Variants in DNER observed in about 807,000 individuals in gnomAD.
The protein encoded by DNER is delta and Notch-like epidermal growth factor-related receptor.
DNER carries 33 observed loss-of-function variants against 78.2 expected under a neutral mutation model. The ratio of observed to expected loss-of-function variants is 0.42; its 90% CI spans 0.32 to 0.56. The LOEUF is 0.56. Among genes scored for constraint, DNER ranks in the 20% least tolerant of loss-of-function variants. The probability of loss-of-function intolerance (pLI) is 0.11; values close to 1 mark genes in which losing one functional copy is unlikely to be tolerated. For missense variants in DNER, 918 were observed against 975.3 expected, an observed-to-expected ratio of 0.94 and a Z score of 0.78; for synonymous variants, 417 against 384.8, an observed-to-expected ratio of 1.08 and a Z score of -0.98.
At chr2:229,468,208 T>C (rs1023418252) in intron 7 of DNER, among the ~76,000 whole-genome samples, 2 of 152,250 alleles carry the variant, frequency 1.3e-5, no homozygotes. Flanking sequence ...AGTTCATGGT[T>C]TGACTCTGAA....
intron 1 of DNER, among the ~76,000 whole-genome samples, chr2:229,661,316 C>A (rs1699006961): frequency 6.6e-6 from 1 of 151,826 alleles, no homozygotes; most frequent in Admixed American, 6.6e-5. Flanking sequence ...CACACCTCCC[C>A]AAAAAAAACT....
chr2:229,491,723 G>C (rs1276412552), intron 6 of DNER, among the ~76,000 whole-genome samples: 2 of 151,800 alleles, frequency 1.3e-5, no homozygotes, highest in African/African-American at 4.8e-5. Context: ...ATCACTCCTT[G>C]ATGTCTGACA....
chr2:229,447,242 G>T lies in DNER; in HGVS notation c.1486+74C>A, dbSNP rs912132143. 16 of 1,430,896 alleles carry T rather than the reference G, an allele frequency of 1.1e-5. No individual in the cohort carries two copies. The African/African-American group carries it at 2.1e-4, about 19-fold the overall frequency. 88.6% of individuals were successfully genotyped at this position (1,430,896 alleles called of 1,614,324 possible). On this transcript the variant is annotated intron_variant, in intron 8 of 12. Transcript: ENST00000341772. ...TTTACAAGTATACCAAGATGCAAAA[G>T]AAAAAGTAATGGTCTTTTGAGATTG...
Position 229,591,810 on chromosome 2 carries a change from A to G in DNER, c.355T>C (p.Tyr119His). ...TAGCCTTCATTGCAAATGCAGAGGTAGCCATCGCTGCTGCTGCTGCTGCTG... is the reference window on the plus strand; with the variant it reads ...TAGCCTTCATTGCAAATGCAGAGGTGGCCATCGCTGCTGCTGCTGCTGCTG... ...SSSSSSSSDG[Y>H]LCICNEGYEG... The change falls in exon 2 of 13, where the codon TAC becomes CAC. Residue 119 changes from tyrosine to histidine, a missense_variant. Coordinates refer to ENST00000341772, the MANE Select transcript of DNER (RefSeq NM_139072.4). This position sits in a 1 kb window ranked among gnomAD's most constrained non-coding sequence, Gnocchi z 4.6. 6.2e-7 allele frequency: 1 copy of G among 1,613,662 alleles called. No homozygotes were observed. Among genetic ancestry groups the G allele is most frequent in the Non-Finnish European group, 8.5e-7 (1 of 1,179,764 alleles).
intron 1 of DNER, among the ~76,000 whole-genome samples, chr2:229,662,175 A>G (rs1699020022): frequency 6.6e-6 from 1 of 152,178 alleles, no homozygotes; most frequent in Non-Finnish European, 1.5e-5. Flanking sequence ...GTTAGAAAAG[A>G]ACACAATGTC....
chr2:229,447,127 G>A (rs991918895), intron 8 of DNER, among the ~76,000 whole-genome samples, 189 bp downstream of exon 8: 7 of 152,168 alleles, frequency 4.6e-5, no homozygotes, highest in African/African-American at 1.7e-4. Flanking sequence ...AAAAGAAAGT[G>A]TGTCATAAAT....
At chr2:229,594,834 T>A (rs141706735) in intron 1 of DNER, among the ~76,000 whole-genome samples, 128 of 152,128 alleles carry the variant, frequency 8.4e-4, no homozygotes, top group African/African-American at 3.0e-3. Context: ...TGTAGGCCAA[T>A]TAAGACTGCC....
chr2:229,371,236 C>T (rs986970953), intron 11 of DNER, among the ~76,000 whole-genome samples: 6 of 152,184 alleles, frequency 3.9e-5, no homozygotes, highest in African/African-American at 1.4e-4. Context: ...GTCTGAGAGA[C>T]AGCAAATTTA....
In DNER at chr2:229,407,285, G is replaced by T. The variant is rs1693409680; in HGVS notation, c.1670C>A (p.Thr557Asn). 1 of 1,613,846 alleles carries T rather than the reference G, an allele frequency of 6.2e-7. No individual in the cohort carries two copies. Among genetic ancestry groups the T allele is most frequent in the South Asian group, 1.1e-5 (1 of 91,078 alleles). Residue 557 changes from threonine (T) to asparagine (N), a missense_variant, in exon 10 of 13, where the codon ACC becomes AAC. Physicochemically the swap from Thr to Asn is moderately conservative, Grantham distance 65. Transcript: ENST00000341772. ...GCCATTCAGGCCGTCGCTGTCACAGGTGGCTCCGTTCAGACAGCTGACGTT... is the reference window on the plus strand; with the variant it reads ...GCCATTCAGGCCGTCGCTGTCACAGTTGGCTCCGTTCAGACAGCTGACGTT... The part of the protein sequence containing the change: ...CANVSCLNGA[T>N]CDSDGLNGTC...
chr2:229,413,081 C>T (rs547111712), intron 9 of DNER, among the ~76,000 whole-genome samples: 101 of 151,946 alleles, frequency 6.6e-4, no homozygotes, highest in African/African-American at 2.3e-3. Flanking sequence ...TCTTTAGCAG[C>T]CCAGTTTTTC....
At chr2:229,713,087 C>T (rs1422949216) in intron 1 of DNER, among the ~76,000 whole-genome samples, 2 of 152,198 alleles carry the variant, frequency 1.3e-5, no homozygotes, top group Non-Finnish European at 1.5e-5. Context: ...GAAACAAACT[C>T]CTCCACCCTA....
chr2:229,508,436 C>T (rs1162680965), intron 6 of DNER, among the ~76,000 whole-genome samples: 1 of 152,034 alleles, frequency 6.6e-6, no homozygotes, highest in Non-Finnish European at 1.5e-5. Context: ...CTATGGATGT[C>T]TTAGTAATAA....
intron 8 of DNER, among the ~76,000 whole-genome samples, chr2:229,434,763 G>A (rs1462075665): frequency 6.6e-6 from 1 of 152,114 alleles, no homozygotes; most frequent in Non-Finnish European, 1.5e-5. Context: ...TATGAGGTAA[G>A]TAAAGAAGTT....
intron 12 of DNER, among the ~76,000 whole-genome samples, chr2:229,366,452 A>C (rs1429330839): frequency 6.6e-6 from 1 of 152,200 alleles, no homozygotes; most frequent in Non-Finnish European, 1.5e-5. Flanking sequence ...ATTCACTCTA[A>C]AAGTAGAAAG....
At chr2:229,665,384 T>C (rs751088080) in intron 1 of DNER, among the ~76,000 whole-genome samples, 4 of 152,114 alleles carry the variant, frequency 2.6e-5, no homozygotes, top group Non-Finnish European at 5.9e-5. Flanking sequence ...GATGACAGCC[T>C]GAGCTGGCCA....
At chr2:229,366,656 T>A (rs1281353640) in intron 12 of DNER, among the ~76,000 whole-genome samples, 1 of 152,190 alleles carries the variant, frequency 6.6e-6, no homozygotes, top group Non-Finnish European at 1.5e-5. Context: ...ATATATTCAA[T>A]GTAAACAAAA....
chr2:229,388,246 G>A lies in DNER; in HGVS notation c.1855+19C>T, dbSNP rs917102534. The A allele has an allele frequency of 1.3e-6, 2 of 1,598,624 alleles. No homozygotes were observed. The highest frequency in any genetic ancestry group is 1.7e-6 in the Non-Finnish European group (2 of 1,172,520). On this transcript the variant is annotated intron_variant, in intron 11 of 12. Transcript: ENST00000341772. Reference sequence around the variant, plus strand: ...CTATAAATGTTAAATAACAGTGGCTGAGCTGCAGAAATACTTACGGATCTC... The same window carrying A: ...CTATAAATGTTAAATAACAGTGGCTAAGCTGCAGAAATACTTACGGATCTC...
chr2:229,587,007 A>G, intron 3 of DNER: 1 of 985,350 alleles, frequency 1.0e-6, no homozygotes, highest in Non-Finnish European at 1.2e-6. Context: ...ACTTCGTCTG[A>G]GTCAGACTCT....
At chr2:229,492,708 A>AC (rs536555258) in intron 6 of DNER, among the ~76,000 whole-genome samples, 3 of 152,220 alleles carry the variant, frequency 2.0e-5, no homozygotes, top group Non-Finnish European at 4.4e-5. Context: ...TCAGTCTGTC[A>AC]CCCAGGTTGG....
Sources: allele counts gnomAD v4.1 joint callset (sites outside exome capture counted in the v4.1 genomes callset), GRCh38; gene constraint gnomAD v4.1.1; non-coding constraint Gnocchi (gnomAD v3.1); transcripts MANE v1.5; gene names NCBI Gene and HGNC (gene_info 2026-07-23, HGNC 2026-07-21).